PPP1R12B: variants seen among roughly 807,000 people sequenced by gnomAD.
The protein encoded by PPP1R12B is protein phosphatase 1 regulatory subunit 12B.
Under a neutral mutation model 126.1 loss-of-function variants are expected in PPP1R12B, and 76 were observed. The observed-to-expected ratio is 0.60, with a 90% CI of 0.50 to 0.73. The LOEUF (loss-of-function observed/expected upper bound fraction) is 0.73, where lower values mean the gene tolerates loss of function less well. Ranked by LOEUF, PPP1R12B falls within the 30% of genes least tolerant of loss-of-function variation. The pLI is 0.00. For missense variants in PPP1R12B, 1,052 were observed against 1,205.1 expected (o/e 0.87, Z 1.88); for synonymous variants, 356 against 434.7 (o/e 0.82, Z 2.25).
chr1:202,372,903 G>A (rs977177962), intron 1 of PPP1R12B, among the ~76,000 whole-genome samples: 6 of 151,990 alleles, frequency 3.9e-5, no homozygotes, highest in African/African-American at 1.4e-4. Flanking sequence ...GGATTTTTCA[G>A]TTATATATTA....
intron 1 of PPP1R12B, among the ~76,000 whole-genome samples, chr1:202,349,854 C>A (rs1414866037): frequency 6.6e-6 from 1 of 151,974 alleles, no homozygotes; most frequent in Non-Finnish European, 1.5e-5. Flanking sequence ...CTATAGAAAT[C>A]CCATGCCCCA....
chr1:202,451,222 G>T (rs1672882063), intron 13 of PPP1R12B, among the ~76,000 whole-genome samples: 1 of 149,438 alleles, frequency 6.7e-6, no homozygotes, highest in Non-Finnish European at 1.5e-5. Context: ...TCGCAGAGGG[G>T]GATTTGGCAG....
intron 1 of PPP1R12B, among the ~76,000 whole-genome samples, chr1:202,363,998 G>A (rs1658697053): frequency 6.6e-6 from 1 of 152,176 alleles, no homozygotes; most frequent in Non-Finnish European, 1.5e-5. Flanking sequence ...GTCATCAAGT[G>A]ATATGCCTGC....
intron 13 of PPP1R12B, chr1:202,462,630 C>T: frequency 4.0e-6 from 1 of 248,136 alleles, no homozygotes; most frequent in Non-Finnish European, 6.4e-6. Flanking sequence ...TAAAGTGGTT[C>T]ATTTTTCAGA....
intron 11 of PPP1R12B, among the ~76,000 whole-genome samples, chr1:202,441,984 G>A (rs1011627672): frequency 8.6e-5 from 13 of 151,848 alleles, no homozygotes; most frequent in African/African-American, 3.1e-4. Flanking sequence ...AGCCTCCCGA[G>A]TACAGGCATG....
chr1:202,438,152 A>G lies in PPP1R12B; in HGVS notation c.1458+128A>G, dbSNP rs556338166. 211 of 1,561,362 alleles carry G rather than the reference A, an allele frequency of 1.4e-4. No homozygotes were observed. The African/African-American group carries it at 2.0e-3, about 15-fold the overall frequency. ...TTTTGGAAATGCAAAGTCTTTAAAGAGAGAGAGGCACACTGATAGTTTATT... is the reference window on the plus strand; with the variant it reads ...TTTTGGAAATGCAAAGTCTTTAAAGGGAGAGAGGCACACTGATAGTTTATT... On this transcript the variant is annotated intron_variant, in intron 10 of 23. Coordinates refer to ENST00000608999, the MANE Select transcript of PPP1R12B (RefSeq NM_002481.4).
intron 1 of PPP1R12B, among the ~76,000 whole-genome samples, chr1:202,416,408 C>T (rs957645700): frequency 6.6e-6 from 1 of 151,770 alleles, no homozygotes; most frequent in Non-Finnish European, 1.5e-5. Flanking sequence ...TTCCTGTAAT[C>T]CCAGCTACTA....
intron 18 of PPP1R12B, among the ~76,000 whole-genome samples, chr1:202,534,729 T>C (rs1163861075): frequency 3.3e-5 from 5 of 152,094 alleles, no homozygotes; most frequent in Admixed American, 2.6e-4. Context: ...CCTCCTCTTA[T>C]TGCCAGGGCT....
At chr1:202,426,724 T>A (rs757104743) in intron 4 of PPP1R12B, among the ~76,000 whole-genome samples, 1 of 152,250 alleles carries the variant, frequency 6.6e-6, no homozygotes. Context: ...AACAGAGTTA[T>A]GTGATTTGGC....
intron 1 of PPP1R12B, among the ~76,000 whole-genome samples, chr1:202,393,760 A>G (rs1664493224): frequency 6.6e-6 from 1 of 152,228 alleles, no homozygotes; most frequent in Non-Finnish European, 1.5e-5. Context: ...GCTGCTATGA[A>G]CAAAAGAAGT....
chr1:202,582,274 C>G lies in PPP1R12B; in HGVS notation c.*1714C>G, dbSNP rs1689588737. ...GCCATCCTCCTCTAGACAAAACCAG[C>G]CTTTAAAATATCATGTCCAGGCCTG... On this transcript the variant is annotated 3_prime_UTR_variant, in exon 24 of 24. Transcript: ENST00000608999. 6.6e-6 allele frequency: 1 copy of G among 152,504 alleles called. No homozygotes were observed. Among genetic ancestry groups the G allele is most frequent in the Non-Finnish European group, 1.5e-5 (1 of 68,034 alleles). 9.4% of individuals were successfully genotyped at this position (152,504 alleles called of 1,614,324 possible).
At chr1:202,542,995 T>C (rs1425854864) in intron 18 of PPP1R12B, among the ~76,000 whole-genome samples, 1 of 152,088 alleles carries the variant, frequency 6.6e-6, no homozygotes, top group African/African-American at 2.4e-5. Flanking sequence ...ATTTAGAAGT[T>C]TGATTCTTTT....
chr1:202,548,808 C>CTCTA lies in PPP1R12B; in HGVS notation c.2491-10068_2491-10067insCTAT, dbSNP rs1218548068. The stretch of plus-strand genomic sequence containing the variant: ...TCTCTCTCTCTCTCTCTCTCTCTCT[C>CTCTA]TATATATATATATATATATATATAT... On this transcript the variant is annotated intron_variant, in intron 18 of 23. Coordinates refer to ENST00000608999, the MANE Select transcript of PPP1R12B (RefSeq NM_002481.4). Among the ~76,000 whole-genome samples, 665 of 72,934 alleles carry CTCTA rather than the reference C, an allele frequency of 9.1e-3. 4 individuals carry two copies. Among genetic ancestry groups the CTCTA allele is most frequent in the Middle Eastern group, 0.014 (2 of 144 alleles). The allele number at this position is 72,934 out of a possible 152,430, so 47.8% of individuals were successfully genotyped here.
At chr1:202,415,432 C>G (rs1667940377) in intron 1 of PPP1R12B, among the ~76,000 whole-genome samples, 1 of 152,140 alleles carries the variant, frequency 6.6e-6, no homozygotes, top group Admixed American at 6.5e-5. Flanking sequence ...TCTTCCTGAG[C>G]TGAAGTTTTA....
intron 13 of PPP1R12B, among the ~76,000 whole-genome samples, chr1:202,474,188 A>C (rs1018307082): frequency 4.6e-5 from 7 of 152,244 alleles, no homozygotes; most frequent in Non-Finnish European, 1.0e-4. Flanking sequence ...TAAAAATGTA[A>C]GATTACTGTA....
intron 8 of PPP1R12B, among the ~76,000 whole-genome samples, chr1:202,433,340 C>T (rs952257071): frequency 2.0e-5 from 3 of 152,108 alleles, no homozygotes; most frequent in African/African-American, 7.2e-5. Context: ...GTGATTTGTA[C>T]CCTTGCGTCA....
At chr1:202,468,118 A>G (rs1232847698) in intron 13 of PPP1R12B, among the ~76,000 whole-genome samples, 2 of 152,004 alleles carry the variant, frequency 1.3e-5, no homozygotes, top group African/African-American at 4.8e-5. Context: ...TAGATTCTGG[A>G]TATTAGCCCT....
chr1:202,454,661 T>A (rs1558250054), intron 13 of PPP1R12B, among the ~76,000 whole-genome samples: 1 of 152,214 alleles, frequency 6.6e-6, no homozygotes, highest in Non-Finnish European at 1.5e-5. Flanking sequence ...TGGCCAGGTA[T>A]GGTAGCTCAC....
chr1:202,378,482 T>C (rs751188866), intron 1 of PPP1R12B, among the ~76,000 whole-genome samples: 8 of 152,074 alleles, frequency 5.3e-5, no homozygotes, highest in Admixed American at 4.6e-4. Flanking sequence ...TCTAATTCTT[T>C]TTTTGTTGTT....
Sources: allele counts gnomAD v4.1 joint callset (sites outside exome capture counted in the v4.1 genomes callset), GRCh38; gene constraint gnomAD v4.1.1; transcripts MANE v1.5; gene names NCBI Gene and HGNC (gene_info 2026-07-23, HGNC 2026-07-21).